The following CNTNAP2 variants were observed in gnomAD, a reference collection of about 807,000 sequenced individuals.
The protein encoded by CNTNAP2 is contactin-associated protein-like 2.
Under a neutral mutation model 155.2 loss-of-function variants are expected in CNTNAP2, and 98 were observed. The observed-to-expected ratio is 0.63, with a 90% confidence interval of 0.54 to 0.75. CNTNAP2 has a LOEUF of 0.75. Ranked by LOEUF, CNTNAP2 falls within the 30% of genes least tolerant of loss-of-function variation. The pLI is 0.00. For synonymous variants in CNTNAP2, 651 were observed against 631.2 expected (o/e 1.03, Z -0.47); for missense variants, 1,727 against 1,688.1 (o/e 1.02, Z -0.40).
At chr7:148,308,426 C>T (rs994686946) in intron 21 of CNTNAP2, among the ~76,000 whole-genome samples, 11 of 96,544 alleles carry the variant, frequency 1.1e-4, no homozygotes, top group Non-Finnish European at 2.3e-4. Context: ...TGGCTAAGAA[C>T]GAATGTACCT....
chr7:147,121,445 A>G, intron 6 of CNTNAP2: 1 of 334,896 alleles, frequency 3.0e-6, no homozygotes, highest in Non-Finnish European at 5.6e-6. Flanking sequence ...AATAAATTTA[A>G]TTTGTAATCC....
chr7:148,061,812 A>ATG (rs10661769), intron 15 of CNTNAP2, among the ~76,000 whole-genome samples: 52,218 of 147,528 alleles, frequency 0.35, 9,873 homozygotes, highest in East Asian at 0.54. Flanking sequence ...ACATGTGTGC[A>ATG]TGTGTGTGTG....
chr7:147,977,824 G>A (rs762546984), intron 14 of CNTNAP2, 38 bp from the exon 15 acceptor site: 22 of 1,613,520 alleles, frequency 1.4e-5, no homozygotes, highest in Admixed American at 1.7e-5. Context: ...GTCTAATGCA[G>A]CCTCCTCATT....
At chr7:147,198,126 G>A (rs1009822074) in intron 8 of CNTNAP2, among the ~76,000 whole-genome samples, 7 of 150,242 alleles carry the variant, frequency 4.7e-5, no homozygotes, top group Admixed American at 1.3e-4. Flanking sequence ...TATTTAAAAC[G>A]TTTATTTATA....
At chr7:146,759,711 A>AAAAAAAGG (rs1309834469) in intron 1 of CNTNAP2, among the ~76,000 whole-genome samples, 1 of 60,732 alleles carries the variant, frequency 1.6e-5, no homozygotes. Context: ...AAAAAAAAAA[A>AAAAAAAGG]GGTGGGTGGG....
intron 17 of CNTNAP2, among the ~76,000 whole-genome samples, chr7:148,162,722 G>T (rs1425992071): frequency 6.6e-6 from 1 of 152,206 alleles, no homozygotes; most frequent in African/African-American, 2.4e-5. Context: ...CTGCCCAGGT[G>T]CAGGGGCTCA....
At chr7:147,690,003 G>A (rs1409546686) in intron 13 of CNTNAP2, among the ~76,000 whole-genome samples, 1 of 152,036 alleles carries the variant, frequency 6.6e-6, no homozygotes, top group African/African-American at 2.4e-5. Flanking sequence ...GAACCAATCA[G>A]TGCCAAGCCT....
chr7:147,549,518 T>C (rs1389948533), intron 11 of CNTNAP2, among the ~76,000 whole-genome samples: 2 of 152,184 alleles, frequency 1.3e-5, no homozygotes, highest in Non-Finnish European at 2.9e-5. Context: ...GATGGGGTTT[T>C]CTAAATATAA....
At chr7:147,410,969 A>G (rs1021398649) in intron 10 of CNTNAP2, among the ~76,000 whole-genome samples, 8 of 152,172 alleles carry the variant, frequency 5.3e-5, no homozygotes, top group African/African-American at 1.9e-4. Flanking sequence ...GGTCTTGTCC[A>G]CAGATGAGTA....
intron 1 of CNTNAP2, among the ~76,000 whole-genome samples, chr7:146,475,980 T>G (rs1796871762): frequency 6.6e-6 from 1 of 152,124 alleles, no homozygotes; most frequent in Admixed American, 6.5e-5. Flanking sequence ...AATTGAAAGG[T>G]GACCCACGTG....
chr7:146,672,422 T>C (rs1800326324), intron 1 of CNTNAP2, among the ~76,000 whole-genome samples: 1 of 152,216 alleles, frequency 6.6e-6, no homozygotes, highest in Non-Finnish European at 1.5e-5. Context: ...TTAAAATTTC[T>C]TAAAGCTCAT....
chr7:146,410,596 C>T (rs1226930703), intron 1 of CNTNAP2, among the ~76,000 whole-genome samples: 1 of 152,072 alleles, frequency 6.6e-6, no homozygotes, highest in Non-Finnish European at 1.5e-5. Context: ...TATTTCATCA[C>T]CTAGGTATTA....
chr7:147,598,168 T>TTTC (rs1491199076), intron 12 of CNTNAP2, among the ~76,000 whole-genome samples: 1 of 19,382 alleles, frequency 5.2e-5, no homozygotes, highest in Non-Finnish European at 1.2e-4. Flanking sequence ...TCTTTCTTTC[T>TTTC]TTTTTTTTTT....
At chr7:148,349,885 G>A (rs1043172204) in intron 21 of CNTNAP2, among the ~76,000 whole-genome samples, 1 of 152,212 alleles carries the variant, frequency 6.6e-6, no homozygotes, top group African/African-American at 2.4e-5. Context: ...GAATGGGGAG[G>A]AGAAAAGTAG....
intron 14 of CNTNAP2, among the ~76,000 whole-genome samples, chr7:147,933,530 T>TAGAC (rs1800547947): frequency 6.7e-6 from 1 of 149,286 alleles, no homozygotes; most frequent in East Asian, 1.9e-4. Flanking sequence ...GATAGATAGA[T>TAGAC]AGATAGATAG....
intron 14 of CNTNAP2, among the ~76,000 whole-genome samples, chr7:147,919,883 G>A (rs978811900): frequency 1.7e-4 from 26 of 151,616 alleles, no homozygotes; most frequent in Non-Finnish European, 3.1e-4. Flanking sequence ...CACCGTGCCC[G>A]GCCACATTTC....
intron 3 of CNTNAP2, among the ~76,000 whole-genome samples, chr7:147,013,798 C>T (rs1798669697): frequency 6.6e-6 from 1 of 152,080 alleles, no homozygotes; most frequent in Admixed American, 6.6e-5. Flanking sequence ...AAGAGGAATC[C>T]TGTCTTATTC....
intron 10 of CNTNAP2, among the ~76,000 whole-genome samples, chr7:147,456,558 T>C (rs1408528040): frequency 6.6e-6 from 1 of 152,088 alleles, no homozygotes; most frequent in Non-Finnish European, 1.5e-5. Context: ...GATGTGTGCC[T>C]AGAACAATGA....
rs536067439 is a variant in CNTNAP2, at chr7:146,692,401, G to A, written c.98-81870G>A. ...TATGCATACTAAGAGTTATCCTGTT[G>A]GAAACTGCATAAGCATCTAATCAGT... On this transcript the variant is annotated intron_variant, in intron 1 of 23. Transcript: ENST00000361727. Among the ~76,000 whole-genome samples the A allele has an allele frequency of 1.1e-4, 17 of 152,210 alleles. No individual in the cohort carries two copies. In the South Asian group the frequency reaches 3.1e-3, roughly 28 times the overall value.
Sources: gnomAD v4.1 joint callset for allele counts (sites outside exome capture counted in the v4.1 genomes callset) on GRCh38, gnomAD v4.1.1 for gene constraint, MANE v1.5 for transcripts, NCBI Gene and HGNC (gene_info 2026-07-23, HGNC 2026-07-21) for gene names.